The following RHBDL3 variants were observed in gnomAD, a reference collection of about 807,000 sequenced individuals.
The protein encoded by RHBDL3 is rhomboid like 3, also known as rhomboid-related protein 3.
Under a neutral mutation model 48.2 loss-of-function variants are expected in RHBDL3, and 28 were observed. The observed-to-expected ratio is 0.58, with a 90% CI of 0.43 to 0.80. The LOEUF (loss-of-function observed/expected upper bound fraction) is 0.80. RHBDL3 is among the 30% of genes least tolerant of loss of function. The pLI, the probability that RHBDL3 is intolerant of heterozygous loss-of-function variation, is 0.00. For synonymous variants in RHBDL3, 208 were observed against 232.3 expected (o/e 0.90, Z 0.95); for missense variants, 464 against 542.7 (o/e 0.85, Z 1.44).
intron 2 of RHBDL3, among the ~76,000 whole-genome samples, chr17:32,281,439 G>A (rs909223053): frequency 1.3e-5 from 2 of 152,064 alleles, no homozygotes; most frequent in East Asian, 1.9e-4. Flanking sequence ...TCTCTAGGCC[G>A]AGGCAGGAGA....
intron 2 of RHBDL3, among the ~76,000 whole-genome samples, chr17:32,272,950 A>C (rs182556109): frequency 1.8e-3 from 268 of 152,300 alleles, no homozygotes; most frequent in Non-Finnish European, 3.4e-3. Flanking sequence ...AATATAGGTT[A>C]TTAGAAGGTT....
At chr17:32,314,284 T>C (rs2040916770) in intron 7 of RHBDL3, among the ~76,000 whole-genome samples, 1 of 152,136 alleles carries the variant, frequency 6.6e-6, no homozygotes, top group Non-Finnish European at 1.5e-5. Flanking sequence ...GACATATGTA[T>C]GTATATTTCA....
chr17:32,306,232 GCC>G (rs1215837190), intron 7 of RHBDL3, among the ~76,000 whole-genome samples: 3 of 151,866 alleles, frequency 2.0e-5, no homozygotes, highest in Admixed American at 1.3e-4. Flanking sequence ...GACCATCCTG[GCC>G]AACATGGTGA....
At position 32,321,416 on chromosome 17, in the gene RHBDL3, G is replaced by C; in HGVS notation, c.*187G>C. On this transcript the variant is annotated 3_prime_UTR_variant, in exon 9 of 9. Coordinates refer to ENST00000269051, the MANE Select transcript of RHBDL3 (RefSeq NM_138328.3). ...ACCCTTTTCTGAAAGGCATCTGGCG[G>C]AGGAGTTGATGTGGCTGCTGTCGTT... The C allele has an allele frequency of 6.6e-7, 1 of 1,513,270 alleles. No homozygotes were observed. Among genetic ancestry groups the C allele is most frequent in the Non-Finnish European group, 8.8e-7 (1 of 1,130,536 alleles). The allele number at this position is 1,513,270 out of a possible 1,614,324, so 93.7% of individuals were successfully genotyped here.
At chr17:32,271,708 A>G (rs1328037389) in intron 2 of RHBDL3, among the ~76,000 whole-genome samples, 1 of 152,224 alleles carries the variant, frequency 6.6e-6, no homozygotes, top group Non-Finnish European at 1.5e-5. Context: ...ACAAAGCACA[A>G]TTGCTTTCAA....
At chr17:32,290,249 C>T (rs1395155814) in intron 4 of RHBDL3, among the ~76,000 whole-genome samples, 1 of 152,194 alleles carries the variant, frequency 6.6e-6, no homozygotes, top group African/African-American at 2.4e-5. Flanking sequence ...TAAGTGTGTG[C>T]CGGGCAGGGG....
At position 32,321,307 on chromosome 17, in the gene RHBDL3, C is replaced by G. The variant is rs751082723; in HGVS notation, c.*78C>G. 1.3e-5 allele frequency: 20 copies of G among 1,599,730 alleles called. No homozygotes were observed. The highest frequency in any genetic ancestry group is 1.6e-5 in the Non-Finnish European group (19 of 1,175,400). ...GCGCCTGCGAGGTTTCTTCTCATCACCAGCTCAGCTAGGCCGGGCAGACAA... is the reference window on the plus strand; with the variant it reads ...GCGCCTGCGAGGTTTCTTCTCATCAGCAGCTCAGCTAGGCCGGGCAGACAA... On this transcript the variant is annotated 3_prime_UTR_variant, in exon 9 of 9. Transcript: ENST00000269051.
chr17:32,316,376 G>A, intron 8 of RHBDL3, 84 bp downstream of exon 8: 1 of 1,043,988 alleles, frequency 9.6e-7, no homozygotes, highest in Non-Finnish European at 1.5e-6. Context: ...GCCCTTCACG[G>A]GCTTATGGTC....
Position 32,266,276 on chromosome 17 carries a change from G to A in RHBDL3, c.87G>A (p.Glu29=). 6.8e-7 allele frequency: 1 copy of A among 1,467,064 alleles called. No individual in the cohort carries two copies. The highest frequency in any genetic ancestry group is 9.0e-7 in the Non-Finnish European group (1 of 1,116,060). The allele number at this position is 1,467,064 out of a possible 1,614,324, so 90.9% of individuals were successfully genotyped here. A position where few individuals can be genotyped will look rare whatever the true frequency, so the allele number is the denominator to read the frequency against. The part of the protein sequence containing the change: ...RIEELEPEAE[E]RLPAAPEDHW... ...AGGAGCTGGAACCCGAGGCCGAGGA[G>A]CGGCTGCCCGCGGCGCCGGAGGACG... is the stretch of plus-strand genomic sequence containing the variant. Residue 29 remains glutamate (E), a synonymous_variant, in exon 1 of 9, where the codon GAG becomes GAA. Transcript: ENST00000269051.
In RHBDL3 at chr17:32,324,126, G is replaced by A. The variant is rs1232104251; in HGVS notation, c.*2897G>A. ...AAAGCTGGGGAATCCCCAAACAGCA[G>A]CCATAGACTCACTGGCTCTCATTAA... On this transcript the variant is annotated 3_prime_UTR_variant, in exon 9 of 9. Coordinates refer to ENST00000269051, the MANE Select transcript of RHBDL3 (RefSeq NM_138328.3). 2 of 152,548 alleles carry A rather than the reference G, an allele frequency of 1.3e-5. No homozygotes were observed. The highest frequency in any genetic ancestry group is 2.9e-5 in the Non-Finnish European group (2 of 68,070). The allele number at this position is 152,548 out of a possible 1,614,324, so 9.4% of individuals were successfully genotyped here.
At chr17:32,290,257 G>A (rs896107821) in intron 4 of RHBDL3, among the ~76,000 whole-genome samples, 1 of 152,168 alleles carries the variant, frequency 6.6e-6, no homozygotes, top group African/African-American at 2.4e-5. Flanking sequence ...TGCCGGGCAG[G>A]GGGCTGGCTC....
intron 8 of RHBDL3, among the ~76,000 whole-genome samples, chr17:32,320,496 G>A (rs2041099352): frequency 6.6e-6 from 1 of 152,128 alleles, no homozygotes; most frequent in Non-Finnish European, 1.5e-5. Flanking sequence ...GCTAATGTTT[G>A]TATTTTTAGT....
At position 32,266,088 on chromosome 17, in the gene RHBDL3, G is replaced by C. The variant is rs1431485372; in HGVS notation, c.-102G>C. 1 of 208,808 alleles carries C rather than the reference G, an allele frequency of 4.8e-6. No homozygotes were observed. Among genetic ancestry groups the C allele is most frequent in the Non-Finnish European group, 8.1e-6 (1 of 123,152 alleles). The allele number at this position is 208,808 out of a possible 1,614,324, so 12.9% of individuals were successfully genotyped here. A position where few individuals can be genotyped will look rare whatever the true frequency, so the allele number is the denominator to read the frequency against. ...AGCGGGCGCGGAGGCGGCGCGGCGC[G>C]CACTGAGCCCCTGGAGCGGCGCGGC... is the stretch of plus-strand genomic sequence containing the variant. On this transcript the variant is annotated 5_prime_UTR_variant, in exon 1 of 9. Coordinates refer to ENST00000269051, the MANE Select transcript of RHBDL3 (RefSeq NM_138328.3).
At chr17:32,298,272 CG>C in intron 6 of RHBDL3, 68 bp downstream of exon 6, 3 of 1,011,098 alleles carry the variant, frequency 3.0e-6, no homozygotes, top group Non-Finnish European at 4.6e-6. Context: ...CCCTGTGGGG[CG>C]GGGCAAGCCC....
chr17:32,271,337 G>A (rs1321887240), intron 2 of RHBDL3, among the ~76,000 whole-genome samples: 1 of 152,066 alleles, frequency 6.6e-6, no homozygotes, highest in Non-Finnish European at 1.5e-5. Flanking sequence ...GTGTGGTTGG[G>A]TTGATATTTT....
At chr17:32,318,941 G>T (rs976058040) in intron 8 of RHBDL3, among the ~76,000 whole-genome samples, 2 of 152,056 alleles carry the variant, frequency 1.3e-5, no homozygotes, top group African/African-American at 2.4e-5. Context: ...CTGTTTCCTG[G>T]ATGGGGCTGG....
At chr17:32,268,009 C>T in intron 2 of RHBDL3, 84 bp downstream of exon 2, 2 of 1,027,848 alleles carry the variant, frequency 1.9e-6, no homozygotes, top group Admixed American at 1.7e-5. Flanking sequence ...GCTTCCCTAG[C>T]TCCGCGCTCC....
chr17:32,279,939 A>G (rs1042175313), intron 2 of RHBDL3, among the ~76,000 whole-genome samples: 7 of 152,198 alleles, frequency 4.6e-5, no homozygotes, highest in Non-Finnish European at 8.8e-5. Context: ...AGATGGGCTG[A>G]GCGCCCCAGG....
intron 3 of RHBDL3, among the ~76,000 whole-genome samples, chr17:32,285,782 T>C (rs907289036): frequency 2.0e-5 from 3 of 152,176 alleles, no homozygotes; most frequent in Non-Finnish European, 2.9e-5. Flanking sequence ...AAATGACTTG[T>C]GTGAAGCGCC....
Sources: allele counts gnomAD v4.1 joint callset (sites outside exome capture counted in the v4.1 genomes callset), GRCh38; gene constraint gnomAD v4.1.1; transcripts MANE v1.5; gene names NCBI Gene and HGNC (gene_info 2026-07-23, HGNC 2026-07-21).